The following MICAL3 variants were observed in gnomAD, a reference collection of about 807,000 sequenced individuals.
MICAL3 encodes microtubule associated monooxygenase, calponin and LIM domain containing 3, also known as [F-actin]-monooxygenase MICAL3.
In MICAL3, 62 loss-of-function variants were observed where a neutral mutation model predicts 207.4. That is an observed-to-expected ratio of 0.30 (90% CI 0.24 to 0.37). The LOEUF (loss-of-function observed/expected upper bound fraction) is 0.37. Among genes scored for constraint, MICAL3 ranks in the 10% least tolerant of loss-of-function variants. MICAL3 has a pLI of 1.00. For missense variants in MICAL3, 2,368 were observed against 2,635.6 expected, an observed-to-expected ratio of 0.90 and a Z score of 2.22; for synonymous variants, 1,077 against 1,069.3, an observed-to-expected ratio of 1.01 and a Z score of -0.14.
intron 1 of MICAL3, among the ~76,000 whole-genome samples, chr22:17,925,691 T>C (rs1317818127): frequency 2.6e-5 from 4 of 152,278 alleles, no homozygotes; most frequent in Non-Finnish European, 1.5e-5. Context: ...TTGTTGAGAA[T>C]AGTGCTTCTC....
intron 19 of MICAL3, chr22:17,861,418 G>A (rs886517696): frequency 2.9e-5 from 29 of 985,316 alleles, no homozygotes; most frequent in Middle Eastern, 5.2e-4. Context: ...ATCTCTGGCC[G>A]GTAATGAACC....
At chr22:18,011,623 C>T (rs1477602278) in intron 1 of MICAL3, among the ~76,000 whole-genome samples, 1 of 151,622 alleles carries the variant, frequency 6.6e-6, no homozygotes, top group Non-Finnish European at 1.5e-5. Flanking sequence ...GTAATCCCAG[C>T]ACTTTGGGAG....
At chr22:17,845,326 G>A (rs549728951) in intron 19 of MICAL3, among the ~76,000 whole-genome samples, 2 of 152,306 alleles carry the variant, frequency 1.3e-5, no homozygotes, top group African/African-American at 2.4e-5. Context: ...TCTGTTTGAC[G>A]TGGGTAACGT....
intron 26 of MICAL3, 76 bp from the exon 27 acceptor site, chr22:17,816,860 G>T: frequency 1.8e-6 from 2 of 1,095,278 alleles, no homozygotes; most frequent in Non-Finnish European, 2.7e-6. Flanking sequence ...ATGCTCCCAT[G>T]TGCAGCCAAG....
At chr22:17,986,468 C>CAAGAT (rs145574090) in intron 1 of MICAL3, among the ~76,000 whole-genome samples, 2,105 of 151,994 alleles carry the variant, frequency 0.014, 38 homozygotes, top group African/African-American at 0.048. Flanking sequence ...TGCAGTGAGC[C>CAAGAT]AAGATGGTGC....
chr22:17,928,616 T>C (rs1275784116), intron 1 of MICAL3, among the ~76,000 whole-genome samples: 1 of 152,158 alleles, frequency 6.6e-6, no homozygotes, highest in Non-Finnish European at 1.5e-5. Context: ...ATGCAGTACA[T>C]GCACCACGCT....
rs373657331 is a variant in MICAL3, at chr22:17,947,691, T to C, written c.-74-40805A>G. On this transcript the variant is annotated intron_variant, in intron 1 of 31. Transcript: ENST00000441493. ...CTCCCACGTCAGCCTCCCGAGTAGC[T>C]GGGACCACAGGCGATGGTGTGCACC... 5.3e-5 allele frequency among the ~76,000 whole-genome samples: 8 copies of C among 152,264 alleles called. No homozygotes were observed. The East Asian group carries it at 1.4e-3, about 26-fold the overall frequency.
intron 16 of MICAL3, chr22:17,872,714 T>C: frequency 1.5e-6 from 2 of 1,318,356 alleles, no homozygotes; most frequent in Non-Finnish European, 1.1e-6. Context: ...CTGTGCTGGG[T>C]CTAGCTACAC....
At chr22:17,967,494 C>CA (rs1569150737) in intron 1 of MICAL3, among the ~76,000 whole-genome samples, 846 of 84,468 alleles carry the variant, frequency 0.01, 6 homozygotes, top group Non-Finnish European at 0.014. Flanking sequence ...ACACACACAC[C>CA]CACACACACC....
chr22:17,798,713 A>C (rs1487764323), intron 29 of MICAL3, among the ~76,000 whole-genome samples: 2 of 133,252 alleles, frequency 1.5e-5, no homozygotes, highest in South Asian at 2.4e-4. Flanking sequence ...TCCCTCTGTC[A>C]CCCAGGCTGG....
Position 17,856,012 on chromosome 22 carries a change from A to G in MICAL3, c.2605+8887T>C, listed in dbSNP as rs1602063442. 6.6e-5 allele frequency among the ~76,000 whole-genome samples: 10 copies of G among 152,330 alleles called. No individual in the cohort carries two copies. The South Asian group carries it at 1.9e-3, about 28-fold the overall frequency. ...CTAACTCCTATGTGCCTGTTTCCCC[A>G]TGTGCAACATGGGGCCTGCCTCCCT... is the stretch of plus-strand genomic sequence containing the variant. On this transcript the variant is annotated intron_variant, in intron 19 of 31. Transcript: ENST00000441493.
At chr22:17,909,874 C>T (rs12159850) in intron 1 of MICAL3, among the ~76,000 whole-genome samples, 2,171 of 152,220 alleles carry the variant, frequency 0.014, 46 homozygotes, top group African/African-American at 0.044. Flanking sequence ...CATCAGGGAC[C>T]CTCTTTGCCT....
At chr22:17,917,368 ACCCAAAACCTTGCCCCCGTC>A (rs911354602) in intron 1 of MICAL3, among the ~76,000 whole-genome samples, 3 of 152,048 alleles carry the variant, frequency 2.0e-5, no homozygotes, top group African/African-American at 7.2e-5. Flanking sequence ...CGGACACTCA[ACCCAAAACCTTGCCCCCGTC>A]TGCATTTCTG....
intron 1 of MICAL3, among the ~76,000 whole-genome samples, chr22:17,934,543 A>G (rs565298016): frequency 3.3e-4 from 50 of 152,300 alleles, no homozygotes; most frequent in Non-Finnish European, 5.0e-4. Flanking sequence ...TTTGAAAACC[A>G]GCACAAGACA....
intron 1 of MICAL3, among the ~76,000 whole-genome samples, chr22:17,950,326 G>A (rs1439739306): frequency 2.2e-5 from 3 of 134,966 alleles, no homozygotes; most frequent in Non-Finnish European, 3.1e-5. Context: ...CACATCTGGC[G>A]TTTTGTTTTT....
intron 22 of MICAL3, among the ~76,000 whole-genome samples, 168 bp from the exon 23 acceptor site, chr22:17,823,228 TG>T (rs931860218): frequency 1.3e-5 from 2 of 151,768 alleles, no homozygotes; most frequent in East Asian, 1.9e-4. Context: ...GCATGGGTGC[TG>T]GGGGGGGCCC....
At chr22:17,972,530 C>T (rs1028477490) in intron 1 of MICAL3, among the ~76,000 whole-genome samples, 10 of 152,160 alleles carry the variant, frequency 6.6e-5, no homozygotes, top group African/African-American at 2.2e-4. Context: ...TTGAGCCCGC[C>T]TACAACACAC....
chr22:17,906,463 A>G, intron 2 of MICAL3, 86 bp downstream of exon 2: 1 of 1,607,728 alleles, frequency 6.2e-7, no homozygotes, highest in Non-Finnish European at 8.5e-7. Flanking sequence ...TAGATCATAT[A>G]TGGTGAATGG....
intron 27 of MICAL3, chr22:17,811,592 C>G (rs981008087): frequency 6.6e-6 from 1 of 152,192 alleles, no homozygotes; most frequent in Admixed American, 6.5e-5. Context: ...ACGGACTGGA[C>G]AGCCACAGCC....
Sources: allele counts gnomAD v4.1 joint callset (sites outside exome capture counted in the v4.1 genomes callset), GRCh38; gene constraint gnomAD v4.1.1; transcripts MANE v1.5; gene names NCBI Gene and HGNC (gene_info 2026-07-23, HGNC 2026-07-21).